Variants in PRP4K observed in about 807,000 individuals in gnomAD.
PRP4K encodes pre-mRNA processing factor kinase PRP4K.
At chr6:4,056,623 G>C in the PRP4K span, 1 of 1,581,312 alleles carries the variant, frequency 6.3e-7, no homozygotes, top group South Asian at 1.1e-5. Context: ...TGATCATGTC[G>C]GGCAAGAGTA....
chr6:4,045,209 A>G, the PRP4K span, among the ~76,000 whole-genome samples: 1 of 152,174 alleles, frequency 6.6e-6, no homozygotes, highest in African/African-American at 2.4e-5. Flanking sequence ...AAACTTTGGC[A>G]CTGAAATTTG....
chr6:4,043,553 A>G, the PRP4K span, among the ~76,000 whole-genome samples: 2 of 152,186 alleles, frequency 1.3e-5, no homozygotes, highest in Non-Finnish European at 2.9e-5. Context: ...AAATAAGACA[A>G]TAAATGGTGC....
At chr6:4,040,943 A>C in the PRP4K span, 1 of 1,590,002 alleles carries the variant, frequency 6.3e-7, no homozygotes, top group South Asian at 1.1e-5. Context: ...AATAGAACTT[A>C]CCCATAACTT....
the PRP4K span, among the ~76,000 whole-genome samples, chr6:4,031,024 A>G: frequency 6.6e-6 from 1 of 152,190 alleles, no homozygotes; most frequent in Non-Finnish European, 1.5e-5. Context: ...TTAAGGTATA[A>G]GATGAAATCT....
chr6:4,051,993 A>G, the PRP4K span: 2 of 1,595,218 alleles, frequency 1.3e-6, no homozygotes, highest in South Asian at 2.3e-5. Context: ...AGTTCTTGAA[A>G]AAACTTAATG....
the PRP4K span, chr6:4,056,696 T>G: frequency 1.9e-5 from 30 of 1,541,950 alleles, no homozygotes; most frequent in Non-Finnish European, 2.5e-5. Context: ...AAGGTCTGAT[T>G]ATCACATTTA....
chr6:4,029,186 A>C, the PRP4K span, among the ~76,000 whole-genome samples: 2 of 150,202 alleles, frequency 1.3e-5, no homozygotes, highest in Admixed American at 6.6e-5. Context: ...GCCTGGCTCC[A>C]CTTGGAATCT....
the PRP4K span, among the ~76,000 whole-genome samples, chr6:4,046,781 C>G: frequency 1.3e-5 from 2 of 151,964 alleles, no homozygotes; most frequent in African/African-American, 2.4e-5. Context: ...TCTCAGCCTC[C>G]CAAGTAGCTT....
At chr6:4,041,938 T>C in the PRP4K span, among the ~76,000 whole-genome samples, 1 of 152,138 alleles carries the variant, frequency 6.6e-6, no homozygotes, top group Non-Finnish European at 1.5e-5. Flanking sequence ...AAAGTTGCAC[T>C]GGGAAGGATC....
chr6:4,047,194 G>C, the PRP4K span: 1 of 1,611,816 alleles, frequency 6.2e-7, no homozygotes, highest in Non-Finnish European at 8.5e-7. Flanking sequence ...AGAAGAAGTT[G>C]TTGGCACCTG....
At chr6:4,047,775 CT>C in the PRP4K span, among the ~76,000 whole-genome samples, 1 of 151,948 alleles carries the variant, frequency 6.6e-6, no homozygotes, top group Non-Finnish European at 1.5e-5. Flanking sequence ...CGTGGTCAAA[CT>C]TGGGGACATT....
the PRP4K span, chr6:4,037,639 G>T: frequency 6.9e-7 from 1 of 1,457,670 alleles, no homozygotes; most frequent in Admixed American, 2.3e-5. Flanking sequence ...AGCTCACTTG[G>T]TAGGTTTTCT....
chr6:4,036,146 A>G, the PRP4K span, among the ~76,000 whole-genome samples: 1 of 152,308 alleles, frequency 6.6e-6, no homozygotes, highest in African/African-American at 2.4e-5. Context: ...TGTAATACAA[A>G]TATCACATTA....
At chr6:4,057,617 T>C in the PRP4K span, among the ~76,000 whole-genome samples, 1 of 152,166 alleles carries the variant, frequency 6.6e-6, no homozygotes, top group Admixed American at 6.5e-5. Flanking sequence ...GAAAGTAAGG[T>C]ACCTTTCTTG....
At chr6:4,053,125 C>T in the PRP4K span, among the ~76,000 whole-genome samples, 1 of 152,084 alleles carries the variant, frequency 6.6e-6, no homozygotes, top group African/African-American at 2.4e-5. Flanking sequence ...TTAAAGTGTG[C>T]ACCAATCCTG....
the PRP4K span, chr6:4,021,540 GA>G: frequency 6.5e-7 from 1 of 1,544,978 alleles, no homozygotes; most frequent in South Asian, 1.2e-5. Context: ...GGGGTGGCGG[GA>G]AAGTTCGGGC....
the PRP4K span, chr6:4,057,209 CTTT>C: frequency 6.2e-7 from 1 of 1,600,454 alleles, no homozygotes; most frequent in Non-Finnish European, 8.5e-7. Context: ...GCATGAGCTT[CTTT>C]AAGGTCTTAG....
the PRP4K span, among the ~76,000 whole-genome samples, chr6:4,035,284 A>ATTTTTTTTT: frequency 3.7e-3 from 220 of 58,798 alleles, 6 homozygotes; most frequent in Middle Eastern, 0.022. Flanking sequence ...CGCCCGGCTA[A>ATTTTTTTTT]TTTTTTTTTT....
chr6:4,043,797 T>C, the PRP4K span: 52 of 1,609,854 alleles, frequency 3.2e-5, no homozygotes, highest in East Asian at 1.1e-3. Context: ...TATTATCTTC[T>C]GTATTGTTAT....
Sources: allele counts gnomAD v4.1 joint callset (sites outside exome capture counted in the v4.1 genomes callset), GRCh38; gene constraint gnomAD v4.1.1; transcripts MANE v1.5; gene names NCBI Gene and HGNC (gene_info 2026-07-23, HGNC 2026-07-21).